UTS2: variants seen among roughly 807,000 people sequenced by gnomAD.
UTS2 encodes urotensin 2.
UTS2 carries 10 observed loss-of-function variants against 12.6 expected under a neutral mutation model. The observed-to-expected ratio is 0.80, with a 90% CI of 0.49 to 1.35. The LOEUF is 1.35. UTS2 is among the 40% of genes most tolerant of loss of function. UTS2 has a pLI of 0.00. For missense variants in UTS2, 142 were observed against 143.2 expected, an observed-to-expected ratio of 0.99 and a Z score of 0.04; for synonymous variants, 52 against 50.0, an observed-to-expected ratio of 1.04 and a Z score of -0.17.
the UTS2 span, among the ~76,000 whole-genome samples, chr1:7,871,758 T>C: frequency 1.3e-5 from 2 of 152,128 alleles, no homozygotes; most frequent in African/African-American, 4.8e-5. Flanking sequence ...ATCTTTCATG[T>C]TACTATTCGA....
At chr1:7,876,858 AC>A in the UTS2 span, among the ~76,000 whole-genome samples, 39 of 152,186 alleles carry the variant, frequency 2.6e-4, no homozygotes, top group Middle Eastern at 3.4e-3. Flanking sequence ...GCGGCTGGGC[AC>A]GGTGGCTCAC....
the UTS2 span, among the ~76,000 whole-genome samples, chr1:7,861,032 G>C: frequency 7.5e-6 from 1 of 134,044 alleles, no homozygotes; most frequent in African/African-American, 2.8e-5. Context: ...ACAGAGCAAG[G>C]CCTTATCTCA....
At chr1:7,875,055 A>AT in the UTS2 span, among the ~76,000 whole-genome samples, 7 of 148,754 alleles carry the variant, frequency 4.7e-5, no homozygotes, top group Middle Eastern at 3.2e-3. Flanking sequence ...TTTTTTCTTT[A>AT]TTTTTTTTTT....
In UTS2 at chr1:7,847,899, G is replaced by A. The variant is rs767429139; in HGVS notation, c.259-17C>T. The A allele has an allele frequency of 1.0e-5, 16 of 1,525,136 alleles. No individual in the cohort carries two copies. The highest frequency in any genetic ancestry group is 7.6e-5 in the Admixed American group (4 of 52,454). The allele number at this position is 1,525,136 out of a possible 1,614,324, so 94.5% of individuals were successfully genotyped here. Reference sequence around the variant, plus strand: ...ATCCTGAAACTAAAACAATCCAAACGAACAACAACAACAAAAAAAAACAGA... The same window carrying A: ...ATCCTGAAACTAAAACAATCCAAACAAACAACAACAACAAAAAAAAACAGA... On this transcript the variant is annotated splice_polypyrimidine_tract_variant and intron_variant, in intron 3 of 3. Transcript: ENST00000361696.
At chr1:7,877,122 C>G in the UTS2 span, among the ~76,000 whole-genome samples, 3 of 54,870 alleles carry the variant, frequency 5.5e-5, no homozygotes, top group African/African-American at 2.3e-4. Flanking sequence ...GAGTGAGACT[C>G]TATCAAAAAA....
the UTS2 span, among the ~76,000 whole-genome samples, chr1:7,863,134 G>A: frequency 6.7e-5 from 9 of 134,714 alleles, no homozygotes; most frequent in Admixed American, 4.9e-4. Context: ...TATTTGAGAC[G>A]AAGTTTTGCT....
the UTS2 span, among the ~76,000 whole-genome samples, chr1:7,892,979 G>A: frequency 6.6e-6 from 1 of 152,132 alleles, no homozygotes; most frequent in Admixed American, 6.5e-5. Flanking sequence ...TTCTGCCTGC[G>A]TTGTTTGGTT....
At chr1:7,869,707 C>T in the UTS2 span, among the ~76,000 whole-genome samples, 8 of 152,324 alleles carry the variant, frequency 5.3e-5, no homozygotes, top group African/African-American at 1.9e-4. Context: ...GGATGCGTCA[C>T]GCACCCGAGT....
chr1:7,849,726 C>G, intron 2 of UTS2, 43 bp from the exon 3 acceptor site: 15 of 1,522,840 alleles, frequency 9.9e-6, no homozygotes, highest in Non-Finnish European at 1.3e-5. Flanking sequence ...TCTGTTGTTT[C>G]TCTTGTATGC....
the UTS2 span, among the ~76,000 whole-genome samples, chr1:7,905,827 C>T: frequency 3.9e-5 from 6 of 152,098 alleles, no homozygotes; most frequent in East Asian, 5.8e-4. Flanking sequence ...GTTGGGCTGA[C>T]GGTTTCCTAG....
At chr1:7,897,331 GT>G in the UTS2 span, among the ~76,000 whole-genome samples, 2 of 152,132 alleles carry the variant, frequency 1.3e-5, no homozygotes, top group Non-Finnish European at 2.9e-5. Flanking sequence ...GGTAGGGAAA[GT>G]CCCTGTATCC....
chr1:7,857,132 G>GAAGGAAGGAAGGAAGGAAGGAAGGAAGA (rs1638330862), upstream of UTS2, among the ~76,000 whole-genome samples: 1 of 151,590 alleles, frequency 6.6e-6, no homozygotes, highest in Admixed American at 6.6e-5. Flanking sequence ...AGGAAGGAAG[G>GAAGGAAGGAAGGAAGGAAGGAAGGAAGA]AAGGAAGGAA....
the UTS2 span, among the ~76,000 whole-genome samples, chr1:7,886,363 A>C: frequency 2.0e-5 from 3 of 152,360 alleles, no homozygotes; most frequent in African/African-American, 7.2e-5. Context: ...CAACTCGGAC[A>C]GGAATGCTTA....
At chr1:7,862,944 CGTTTCCAATAAGGCCTACCCT>C in the UTS2 span, among the ~76,000 whole-genome samples, 1 of 151,978 alleles carries the variant, frequency 6.6e-6, no homozygotes, top group East Asian at 1.9e-4. Context: ...TAGGCGATAA[CGTTTCCAATAAGGCCTACCCT>C]GACGGCCGTT....
At chr1:7,905,652 C>G in the UTS2 span, among the ~76,000 whole-genome samples, 1 of 152,104 alleles carries the variant, frequency 6.6e-6, no homozygotes, top group Non-Finnish European at 1.5e-5. Flanking sequence ...GAGGGGAATT[C>G]TGCTTCTAGA....
the UTS2 span, among the ~76,000 whole-genome samples, chr1:7,861,705 A>G: frequency 1.3e-5 from 2 of 152,032 alleles, no homozygotes; most frequent in African/African-American, 2.4e-5. Flanking sequence ...CCCGTCCCTC[A>G]GGAAACAGCC....
the UTS2 span, among the ~76,000 whole-genome samples, chr1:7,878,668 AGCCTGG>A: frequency 6.6e-6 from 1 of 152,118 alleles, no homozygotes; most frequent in Non-Finnish European, 1.5e-5. Context: ...GTTTGTGTCC[AGCCTGG>A]GCAACATAGC....
chr1:7,900,887 A>G, the UTS2 span, among the ~76,000 whole-genome samples: 2 of 152,210 alleles, frequency 1.3e-5, no homozygotes. Context: ...AGGAGAAGAT[A>G]AACCACTTTC....
At chr1:7,850,487 C>G (rs1558504830) in intron 2 of UTS2, among the ~76,000 whole-genome samples, 1 of 152,050 alleles carries the variant, frequency 6.6e-6, no homozygotes, top group Admixed American at 6.6e-5. Flanking sequence ...AGAAAGATTA[C>G]TTTAAGTTTT....
Sources: gnomAD v4.1 joint callset for allele counts (sites outside exome capture counted in the v4.1 genomes callset) on GRCh38, gnomAD v4.1.1 for gene constraint, MANE v1.5 for transcripts, NCBI Gene and HGNC (gene_info 2026-07-23, HGNC 2026-07-21) for gene names.